Variants in FBLN5 observed in about 807,000 individuals in gnomAD.
FBLN5 encodes the protein fibulin-5.
Under a neutral mutation model 61.6 loss-of-function variants are expected in FBLN5, and 24 were observed. The observed-to-expected ratio is 0.39, with a 90% CI of 0.28 to 0.55. The LOEUF is 0.55. Ranked by LOEUF, FBLN5 falls within the 20% of genes least tolerant of loss-of-function variation. The pLI is 0.65. For synonymous variants in FBLN5, 213 were observed against 219.8 expected (o/e 0.97, Z 0.27); for missense variants, 470 against 594.1 (o/e 0.79, Z 2.17).
chr14:91,908,577 C>T (rs971004278), intron 4 of FBLN5, among the ~76,000 whole-genome samples: 1 of 152,122 alleles, frequency 6.6e-6, no homozygotes, highest in Non-Finnish European at 1.5e-5. Flanking sequence ...GGAGACAAGT[C>T]AATAAATATT....
At chr14:91,930,600 A>G (rs1311120940) in intron 4 of FBLN5, among the ~76,000 whole-genome samples, 1 of 152,180 alleles carries the variant, frequency 6.6e-6, no homozygotes, top group Non-Finnish European at 1.5e-5. Context: ...GTTTCAAGTT[A>G]CAGACCAAGC....
chr14:91,919,532 T>C (rs1253681033), intron 4 of FBLN5, among the ~76,000 whole-genome samples: 1 of 152,070 alleles, frequency 6.6e-6, no homozygotes, highest in Non-Finnish European at 1.5e-5. Context: ...AATTCATATA[T>C]TCAAGTCCTA....
At chr14:91,908,846 G>C (rs1890792246) in intron 4 of FBLN5, among the ~76,000 whole-genome samples, 1 of 152,032 alleles carries the variant, frequency 6.6e-6, no homozygotes, top group South Asian at 2.1e-4. Flanking sequence ...TTGGAGGCTT[G>C]TTCTAAAAAT....
chr14:91,919,691 G>C (rs1277752400), intron 4 of FBLN5, among the ~76,000 whole-genome samples: 1 of 152,112 alleles, frequency 6.6e-6, no homozygotes, highest in Non-Finnish European at 1.5e-5. Context: ...CACCCACAGA[G>C]GAAAGACAAA....
At chr14:91,890,386 C>T (rs1889935639) in intron 6 of FBLN5, among the ~76,000 whole-genome samples, 1 of 152,196 alleles carries the variant, frequency 6.6e-6, no homozygotes, top group East Asian at 1.9e-4. Context: ...CAGACAAAGA[C>T]CTCATTCTGC....
At chr14:91,887,377 A>G in intron 6 of FBLN5, 65 bp from the exon 7 acceptor site, 2 of 1,563,216 alleles carry the variant, frequency 1.3e-6, no homozygotes, top group Admixed American at 1.7e-5. Flanking sequence ...AACTAGGCAG[A>G]AAAAGCACCA....
At chr14:91,942,237 C>G (rs1410333731) in intron 2 of FBLN5, 1 of 453,208 alleles carries the variant, frequency 2.2e-6, no homozygotes, top group Non-Finnish European at 4.4e-6. Context: ...AGGCCCTGAG[C>G]CTGGCCTCAC....
chr14:91,908,903 T>A (rs962066201), intron 4 of FBLN5, among the ~76,000 whole-genome samples: 23 of 151,856 alleles, frequency 1.5e-4, no homozygotes, highest in African/African-American at 5.6e-4. Flanking sequence ...TGGGAATCAG[T>A]ACTTTTTTTT....
At chr14:91,895,537 G>A (rs529145454) in intron 4 of FBLN5, among the ~76,000 whole-genome samples, 1 of 152,162 alleles carries the variant, frequency 6.6e-6, no homozygotes, top group African/African-American at 2.4e-5. Flanking sequence ...GGTGGCTCAC[G>A]CCTGTAATCC....
In FBLN5 at chr14:91,947,361, G is replaced by A. The variant is rs1216963406; in HGVS notation, c.-132C>T. On this transcript the variant is annotated 5_prime_UTR_variant, in exon 1 of 11. Transcript: ENST00000342058. The surrounding 1 kb of genome is among the most constrained non-coding windows in gnomAD (Gnocchi z 4.3). ...GGGTGTTTTATTCCAGAGGGGCCGA[G>A]CGAGTCGTGGAGAGGACACGGGGAG... 8 of 1,034,202 alleles carry A rather than the reference G, an allele frequency of 7.7e-6. No homozygotes were observed. Among genetic ancestry groups the A allele is most frequent in the Non-Finnish European group, 8.9e-6 (6 of 672,066 alleles). The allele number at this position is 1,034,202 out of a possible 1,614,324, so 64.1% of individuals were successfully genotyped here.
chr14:91,917,575 CAAAAAAAAA>C (rs34458933), intron 4 of FBLN5, among the ~76,000 whole-genome samples: 2 of 63,472 alleles, frequency 3.2e-5, no homozygotes, highest in Admixed American at 2.5e-4. Flanking sequence ...GACTCCATCT[CAAAAAAAAA>C]AAAAAAAAAA....
At chr14:91,889,354 G>A (rs900585430) in intron 6 of FBLN5, among the ~76,000 whole-genome samples, 2 of 152,322 alleles carry the variant, frequency 1.3e-5, no homozygotes, top group African/African-American at 4.8e-5. Context: ...AGAGCAGGGC[G>A]ACCAAAATGA....
Position 91,894,935 on chromosome 14 carries a change from C to G in FBLN5, c.502+15G>C, listed in dbSNP as rs190933127. On this transcript the variant is annotated intron_variant, in intron 5 of 10. Coordinates refer to ENST00000342058, the MANE Select transcript of FBLN5 (RefSeq NM_006329.4). ...ACTTCCAAGAGTCCCTGTGACCCCC[C>G]CAGAGAGCTGTTACCTAAGCACTGG... 7,405 of 1,613,406 alleles carry G rather than the reference C, an allele frequency of 4.6e-3. 40 individuals are homozygous for G. Among genetic ancestry groups the G allele is most frequent in the South Asian group, 8.8e-3 (801 of 91,044 alleles).
intron 1 of FBLN5, among the ~76,000 whole-genome samples, chr14:91,945,569 A>G (rs1051344278): frequency 1.1e-4 from 17 of 152,206 alleles, no homozygotes; most frequent in African/African-American, 3.9e-4. Context: ...CCGTTACTAC[A>G]AACGTGCACC....
chr14:91,935,703 G>GT (rs781425562), intron 4 of FBLN5, among the ~76,000 whole-genome samples: 1 of 152,078 alleles, frequency 6.6e-6, no homozygotes, highest in Non-Finnish European at 1.5e-5. Context: ...TTAAAGATTG[G>GT]TAAAAAAAAG....
intron 8 of FBLN5, among the ~76,000 whole-genome samples, chr14:91,881,872 T>C (rs919350611): frequency 6.6e-6 from 1 of 152,082 alleles, no homozygotes; most frequent in Non-Finnish European, 1.5e-5. Context: ...ATATTTTGGA[T>C]ATACTGCATT....
At chr14:91,912,362 G>A (rs1890984645) in intron 4 of FBLN5, among the ~76,000 whole-genome samples, 1 of 152,156 alleles carries the variant, frequency 6.6e-6, no homozygotes, top group Non-Finnish European at 1.5e-5. Flanking sequence ...AAATTAGCTG[G>A]GCAGGACGTG....
At chr14:91,897,800 C>T (rs1218201136) in intron 4 of FBLN5, among the ~76,000 whole-genome samples, 2 of 152,232 alleles carry the variant, frequency 1.3e-5, no homozygotes, top group Non-Finnish European at 2.9e-5. Context: ...GTAATCCCAG[C>T]ACGTTGGGAG....
intron 4 of FBLN5, among the ~76,000 whole-genome samples, chr14:91,913,839 A>G (rs966344675): frequency 3.9e-5 from 6 of 152,366 alleles, no homozygotes; most frequent in Admixed American, 2.6e-4. Context: ...TTAAATCCCC[A>G]TAAATGTGTA....
Sources: gnomAD v4.1 joint callset for allele counts (sites outside exome capture counted in the v4.1 genomes callset) on GRCh38, gnomAD v4.1.1 for gene constraint, Gnocchi (gnomAD v3.1) non-coding constraint, MANE v1.5 for transcripts, NCBI Gene and HGNC (gene_info 2026-07-23, HGNC 2026-07-21) for gene names.